ADAM12: variants seen among roughly 807,000 people sequenced by gnomAD.
ADAM12 encodes the protein ADAM metallopeptidase domain 12.
ADAM12 carries 70 observed loss-of-function variants against 106.4 expected under a neutral mutation model. The ratio of observed to expected loss-of-function variants is 0.66; its 90% CI spans 0.54 to 0.80. The LOEUF (loss-of-function observed/expected upper bound fraction) is 0.80. Among genes scored for constraint, ADAM12 ranks in the 30% least tolerant of loss-of-function variants. ADAM12 has a pLI of 0.00. For missense variants in ADAM12, 1,010 were observed against 1,171.9 expected (o/e 0.86, Z 2.02); for synonymous variants, 420 against 433.5 (o/e 0.97, Z 0.39).
chr10:126,082,461 C>T (rs776017329), intron 11 of ADAM12, among the ~76,000 whole-genome samples: 3 of 150,790 alleles, frequency 2.0e-5, no homozygotes, highest in Non-Finnish European at 4.4e-5. Context: ...TTCCGCCTCC[C>T]GGGTTCAAGC....
intron 2 of ADAM12, among the ~76,000 whole-genome samples, chr10:126,311,025 G>C (rs1590763213): frequency 1.3e-5 from 2 of 151,752 alleles, no homozygotes; most frequent in East Asian, 3.9e-4. Context: ...TCTGAGCTGA[G>C]CTAATACTAA....
At chr10:126,358,534 T>C (rs1040617053) in intron 1 of ADAM12, among the ~76,000 whole-genome samples, 1 of 152,150 alleles carries the variant, frequency 6.6e-6, no homozygotes, top group Non-Finnish European at 1.5e-5. Flanking sequence ...ACAGCTAACA[T>C]CATACTCAAT....
intron 12 of ADAM12, among the ~76,000 whole-genome samples, chr10:126,067,281 T>C (rs1393053474): frequency 6.6e-6 from 1 of 152,228 alleles, no homozygotes; most frequent in East Asian, 1.9e-4. Flanking sequence ...AAACCAGTGG[T>C]TTCAACCACA....
intron 3 of ADAM12, among the ~76,000 whole-genome samples, chr10:126,206,859 G>T (rs984448202): frequency 7.7e-6 from 1 of 129,898 alleles, no homozygotes; most frequent in Non-Finnish European, 1.6e-5. Flanking sequence ...TGTTGTGGGG[G>T]CGGGGGGGAG....
chr10:126,377,685 G>C (rs1009953378), intron 1 of ADAM12, among the ~76,000 whole-genome samples: 1 of 152,172 alleles, frequency 6.6e-6, no homozygotes, highest in African/African-American at 2.4e-5. Flanking sequence ...AAGGCTTATT[G>C]TGAAGTACGG....
intron 3 of ADAM12, among the ~76,000 whole-genome samples, chr10:126,207,644 CT>C (rs1287430535): frequency 6.6e-6 from 1 of 152,158 alleles, no homozygotes; most frequent in Admixed American, 6.5e-5. Flanking sequence ...CAATTGGTTA[CT>C]AAGATATAAT....
chr10:126,097,187 C>A (rs910398545), intron 10 of ADAM12, among the ~76,000 whole-genome samples: 1 of 152,208 alleles, frequency 6.6e-6, no homozygotes, highest in Non-Finnish European at 1.5e-5. Flanking sequence ...ATTATTCCCT[C>A]TTAAAAATGT....
intron 1 of ADAM12, among the ~76,000 whole-genome samples, chr10:126,375,662 T>C (rs1258515105): frequency 6.9e-6 from 1 of 144,036 alleles, no homozygotes; most frequent in Non-Finnish European, 1.5e-5. Flanking sequence ...AAGAAAGGTG[T>C]AAAGATAGCA....
chr10:126,168,865 C>T lies in ADAM12; in HGVS notation c.261-13560G>A, dbSNP rs990860622. Among the ~76,000 whole-genome samples, 13 of 152,136 alleles carry T rather than the reference C, an allele frequency of 8.5e-5. No individual in the cohort carries two copies. The East Asian group carries it at 2.5e-3, about 29-fold the overall frequency. On this transcript the variant is annotated intron_variant, in intron 3 of 22. Coordinates refer to ENST00000448723, the MANE Select transcript of ADAM12 (RefSeq NM_001288973.2). Reference sequence around the variant, plus strand: ...GTCAGGAGTTCGAGACCAGCCTGGCCAACATGGTGAAACTCCATCTCTACT... The same window carrying T: ...GTCAGGAGTTCGAGACCAGCCTGGCTAACATGGTGAAACTCCATCTCTACT...
intron 22 of ADAM12, among the ~76,000 whole-genome samples, chr10:126,017,981 TTCAAGA>T (rs1953691480): frequency 6.6e-6 from 1 of 152,234 alleles, no homozygotes; most frequent in South Asian, 2.1e-4. Context: ...GAAAAATAAC[TTCAAGA>T]TCAACATGCA....
chr10:126,367,083 C>T (rs368100714), intron 1 of ADAM12, among the ~76,000 whole-genome samples: 62 of 152,048 alleles, frequency 4.1e-4, no homozygotes, highest in African/African-American at 1.4e-3. Context: ...ATGCTATTTA[C>T]GGGACATTAC....
chr10:126,238,089 T>A (rs1958454016), intron 3 of ADAM12, among the ~76,000 whole-genome samples: 1 of 152,268 alleles, frequency 6.6e-6, no homozygotes, highest in Admixed American at 6.5e-5. Context: ...ATCATTAAAA[T>A]GGTTTTATTT....
chr10:126,104,175 C>T (rs1470379419), intron 8 of ADAM12, among the ~76,000 whole-genome samples: 3 of 152,140 alleles, frequency 2.0e-5, no homozygotes, highest in African/African-American at 4.8e-5. Flanking sequence ...AGAGGCTGGA[C>T]ATGGTGGCTC....
rs964332088 is a variant in ADAM12, at chr10:126,286,280, G to T, written c.187-7292C>A. Among the ~76,000 whole-genome samples the T allele has an allele frequency of 3.3e-5, 5 of 152,020 alleles. No individual in the cohort carries two copies. The East Asian group carries it at 7.7e-4, about 24-fold the overall frequency. ...TAATGTGGCAGTGGAACGGCAGCAGGTCTGGCAGGCAGGAGGGAATTACCA... is the reference window on the plus strand; with the variant it reads ...TAATGTGGCAGTGGAACGGCAGCAGTTCTGGCAGGCAGGAGGGAATTACCA... On this transcript the variant is annotated intron_variant, in intron 2 of 22. Coordinates refer to ENST00000448723, the MANE Select transcript of ADAM12 (RefSeq NM_001288973.2).
At chr10:126,051,257 T>C (rs559807477) in intron 14 of ADAM12, among the ~76,000 whole-genome samples, 28 of 152,322 alleles carry the variant, frequency 1.8e-4, no homozygotes, top group African/African-American at 6.5e-4. Flanking sequence ...GCATCTAGAA[T>C]AGTAACAATT....
intron 4 of ADAM12, among the ~76,000 whole-genome samples, chr10:126,151,711 G>A (rs1361215846): frequency 6.6e-6 from 1 of 151,692 alleles, no homozygotes; most frequent in African/African-American, 2.4e-5. Flanking sequence ...GCTTATTTTT[G>A]TCAGTAAATA....
intron 1 of ADAM12, among the ~76,000 whole-genome samples, chr10:126,357,372 G>A (rs1451117233): frequency 6.6e-6 from 1 of 152,192 alleles, no homozygotes; most frequent in African/African-American, 2.4e-5. Context: ...ACCCAGCAAG[G>A]CTGTATTTCA....
intron 3 of ADAM12, among the ~76,000 whole-genome samples, chr10:126,233,074 G>A (rs1958344352): frequency 6.6e-6 from 1 of 152,176 alleles, no homozygotes; most frequent in Non-Finnish European, 1.5e-5. Context: ...AGGGGCCTGG[G>A]GCTGGGCTTT....
At chr10:126,026,591 CAAATT>C (rs558344953) in intron 21 of ADAM12, among the ~76,000 whole-genome samples, 339 of 152,274 alleles carry the variant, frequency 2.2e-3, no homozygotes, top group African/African-American at 7.4e-3. Flanking sequence ...ACAGCGTAAT[CAAATT>C]AAAGCTTAAG....
Sources: gnomAD v4.1 joint callset for allele counts (sites outside exome capture counted in the v4.1 genomes callset) on GRCh38, gnomAD v4.1.1 for gene constraint, MANE v1.5 for transcripts, NCBI Gene and HGNC (gene_info 2026-07-23, HGNC 2026-07-21) for gene names.